PDCD1LG2: variants seen among roughly 807,000 people sequenced by gnomAD.
PDCD1LG2 encodes the protein B7 dendritic cell molecule.
In PDCD1LG2, 32 loss-of-function variants were observed where a neutral mutation model predicts 28.2. The observed-to-expected ratio is 1.13, with a 90% CI of 0.86 to 1.52. The LOEUF (loss-of-function observed/expected upper bound fraction) is 1.52. PDCD1LG2 is among the 40% of genes most tolerant of loss of function. PDCD1LG2 has a pLI of 0.00. For synonymous variants in PDCD1LG2, 116 were observed against 120.2 expected (o/e 0.97, Z 0.23); for missense variants, 385 against 323.8 (o/e 1.19, Z -1.45).
chr9:5,543,820 TAAAG>T (rs1820740261), intron 3 of PDCD1LG2, among the ~76,000 whole-genome samples: 1 of 41,390 alleles, frequency 2.4e-5, no homozygotes. Context: ...TTTTTAAAAA[TAAAG>T]AAAGAAATTA....
chr9:5,544,706 T>C (rs1278553122), intron 3 of PDCD1LG2, among the ~76,000 whole-genome samples: 1 of 151,450 alleles, frequency 6.6e-6, no homozygotes, highest in Non-Finnish European at 1.5e-5. Flanking sequence ...AAGCTAGTAG[T>C]TGTTGAGTCA....
chr9:5,563,118 T>G (rs771796835), intron 5 of PDCD1LG2, 44 bp from the exon 6 acceptor site: 3 of 1,459,890 alleles, frequency 2.1e-6, no homozygotes, highest in South Asian at 2.3e-5. Flanking sequence ...GCCAAACAGT[T>G]TTCTCATTAA....
chr9:5,527,247 C>G (rs1194428735), intron 2 of PDCD1LG2, among the ~76,000 whole-genome samples: 3 of 152,154 alleles, frequency 2.0e-5, no homozygotes, highest in African/African-American at 7.2e-5. Context: ...AGTCCTATAA[C>G]TACCACCACC....
At chr9:5,550,920 T>G (rs1361389766) in intron 4 of PDCD1LG2, among the ~76,000 whole-genome samples, 2 of 152,166 alleles carry the variant, frequency 1.3e-5, no homozygotes, top group Non-Finnish European at 2.9e-5. Context: ...CTCAAACTCC[T>G]GACCTCAGGT....
intron 6 of PDCD1LG2, among the ~76,000 whole-genome samples, chr9:5,568,985 C>T (rs1816719412): frequency 6.6e-6 from 1 of 152,108 alleles, no homozygotes; most frequent in Non-Finnish European, 1.5e-5. Flanking sequence ...AAACAGCAAA[C>T]TCTTCTAGAT....
intron 3 of PDCD1LG2, among the ~76,000 whole-genome samples, chr9:5,543,864 T>G (rs1820741879): frequency 1.6e-5 from 1 of 60,964 alleles, no homozygotes; most frequent in African/African-American, 6.6e-5. Flanking sequence ...GTCCTGAATT[T>G]CAATGGGGTG....
At chr9:5,548,618 G>A (rs1038863448) in intron 3 of PDCD1LG2, among the ~76,000 whole-genome samples, 2 of 152,110 alleles carry the variant, frequency 1.3e-5, no homozygotes, top group Non-Finnish European at 1.5e-5. Context: ...GCTTTCTTGA[G>A]GCAGGGAGCC....
intron 4 of PDCD1LG2, among the ~76,000 whole-genome samples, chr9:5,552,303 T>A (rs1431148730): frequency 6.6e-6 from 1 of 152,190 alleles, no homozygotes; most frequent in Non-Finnish European, 1.5e-5. Context: ...GGTCTGCCAA[T>A]ATTAAGAGCT....
intron 3 of PDCD1LG2, among the ~76,000 whole-genome samples, chr9:5,548,927 G>A (rs181449488): frequency 7.1e-4 from 108 of 152,142 alleles, no homozygotes; most frequent in Non-Finnish European, 7.9e-4. Flanking sequence ...CCTCTTTCTG[G>A]CCTCCAATTG....
intron 1 of PDCD1LG2, among the ~76,000 whole-genome samples, chr9:5,521,568 CT>C (rs1820275245): frequency 6.6e-6 from 1 of 152,172 alleles, no homozygotes; most frequent in Non-Finnish European, 1.5e-5. Flanking sequence ...ACCGATCTCA[CT>C]GCTTGTAATC....
intron 4 of PDCD1LG2, among the ~76,000 whole-genome samples, chr9:5,555,578 T>C (rs1415389583): frequency 2.6e-5 from 4 of 152,344 alleles, no homozygotes; most frequent in East Asian, 1.9e-4. Flanking sequence ...TTTCGTTCCA[T>C]GTAACACTCA....
chr9:5,564,561 T>C (rs1283197120), intron 6 of PDCD1LG2, among the ~76,000 whole-genome samples: 2 of 152,206 alleles, frequency 1.3e-5, no homozygotes, highest in Non-Finnish European at 2.9e-5. Context: ...TATTTCTAGA[T>C]AGCTTTGGAA....
chr9:5,545,709 C>T (rs1365916414), intron 3 of PDCD1LG2, among the ~76,000 whole-genome samples: 1 of 152,146 alleles, frequency 6.6e-6, no homozygotes, highest in Non-Finnish European at 1.5e-5. Context: ...TCTATTACAA[C>T]TGATAGAACA....
chr9:5,522,400 C>A (rs1820292367), intron 1 of PDCD1LG2, 133 bp from the exon 2 acceptor site: 2 of 622,960 alleles, frequency 3.2e-6, no homozygotes, highest in South Asian at 2.3e-5. Flanking sequence ...AACTTCTCCT[C>A]CCAGCTCCAC....
At position 5,537,066 on chromosome 9, in the gene PDCD1LG2, G is replaced by A. The variant is rs72689408; in HGVS notation, c.361+2016G>A. Among the ~76,000 whole-genome samples, 1,439 of 152,280 alleles carry A rather than the reference G, an allele frequency of 9.4e-3. 15 individuals carry two copies. Among genetic ancestry groups the A allele is most frequent in the Middle Eastern group, 0.027 (8 of 294 alleles). On this transcript the variant is annotated intron_variant, in intron 3 of 6. Coordinates refer to ENST00000397747, the MANE Select transcript of PDCD1LG2 (RefSeq NM_025239.4). Reference sequence around the variant, plus strand: ...TAAAAACCCTTTTGCAAATAATGTGGTATCTAATTTTCTGCTTTCAACAAA... The same window carrying A: ...TAAAAACCCTTTTGCAAATAATGTGATATCTAATTTTCTGCTTTCAACAAA...
At chr9:5,516,261 C>T (rs1186491598) in intron 1 of PDCD1LG2, among the ~76,000 whole-genome samples, 1 of 152,160 alleles carries the variant, frequency 6.6e-6, no homozygotes, top group East Asian at 1.9e-4. Flanking sequence ...CCATGTTGGC[C>T]AGGCTGGTCT....
intron 2 of PDCD1LG2, among the ~76,000 whole-genome samples, chr9:5,527,127 C>G (rs1310680725): frequency 6.6e-6 from 1 of 152,152 alleles, no homozygotes; most frequent in Non-Finnish European, 1.5e-5. Flanking sequence ...CATTTTATAT[C>G]ATTTTTAAAG....
intron 2 of PDCD1LG2, among the ~76,000 whole-genome samples, chr9:5,532,559 TG>T (rs1192633368): frequency 1.3e-5 from 2 of 152,208 alleles, no homozygotes; most frequent in African/African-American, 4.8e-5. Flanking sequence ...TGCTAGGTAC[TG>T]GATATATCAA....
chr9:5,564,916 T>C (rs541145960), intron 6 of PDCD1LG2, among the ~76,000 whole-genome samples: 2 of 152,346 alleles, frequency 1.3e-5, no homozygotes, highest in East Asian at 3.9e-4. Context: ...GATACAGTAA[T>C]GAGTAACTTT....
Sources: allele counts gnomAD v4.1 joint callset (sites outside exome capture counted in the v4.1 genomes callset), GRCh38; gene constraint gnomAD v4.1.1; transcripts MANE v1.5; gene names NCBI Gene and HGNC (gene_info 2026-07-23, HGNC 2026-07-21).